The following VASH1 variants were observed in gnomAD, a reference collection of about 807,000 sequenced individuals.
VASH1 encodes tubulinyl-Tyr carboxypeptidase 1.
Under a neutral mutation model 35.0 loss-of-function variants are expected in VASH1, and 16 were observed. That is an observed-to-expected ratio of 0.46 (90% CI 0.31 to 0.70). The LOEUF (loss-of-function observed/expected upper bound fraction) is 0.70, where lower values mean the gene tolerates loss of function less well. Among genes scored for constraint, VASH1 ranks in the 30% least tolerant of loss-of-function variants. The pLI is 0.05. For synonymous variants in VASH1, 214 were observed against 200.9 expected, an observed-to-expected ratio of 1.07 and a Z score of -0.55; for missense variants, 505 against 510.7, an observed-to-expected ratio of 0.99 and a Z score of 0.11.
In VASH1 at chr14:76,778,951, C is replaced by T. The variant is rs549007706; in HGVS notation, c.1031C>T (p.Ser344Leu). 43 of 1,614,196 alleles carry T rather than the reference C, an allele frequency of 2.7e-5. No homozygotes were observed. The South Asian group carries it at 4.0e-4, about 15-fold the overall frequency. Reference sequence around the variant, plus strand: ...CTGCTCTCTTCCTCCCACAGGCCCTCGGGTGACAAGAAGACTTCCGAGCCC... The same window carrying T: ...CTGCTCTCTTCCTCCCACAGGCCCTTGGGTGACAAGAAGACTTCCGAGCCC... ...RRNSRSERRPSGDKKTSEPKA... is the reference protein window; with the variant it reads ...RRNSRSERRPLGDKKTSEPKA... The change falls in exon 7 of 7, where the codon TCG becomes TTG. Residue 344 changes from serine (S) to leucine (L), a missense_variant. By Grantham distance (145) the Ser-to-Leu change is moderately radical (BLOSUM62 -2). Coordinates refer to ENST00000167106, the MANE Select transcript of VASH1 (RefSeq NM_014909.5).
chr14:76,778,167 C>A, intron 6 of VASH1, 96 bp downstream of exon 6: 1 of 950,070 alleles, frequency 1.1e-6, no homozygotes. Context: ...CTCTCCCACC[C>A]TTCTCTCTTT....
intron 5 of VASH1, among the ~76,000 whole-genome samples, chr14:76,777,714 T>C (rs1893982433): frequency 6.6e-6 from 1 of 152,162 alleles, no homozygotes. Context: ...TCTCAGTGAC[T>C]TCCCCCACTT....
chr14:76,763,659 G>A (rs1338142734), intron 1 of VASH1, among the ~76,000 whole-genome samples: 1 of 152,224 alleles, frequency 6.6e-6, no homozygotes, highest in East Asian at 1.9e-4. Context: ...TGGCAGAACT[G>A]AGATTCAATT....
At chr14:76,772,052 C>A (rs1322034686) in intron 3 of VASH1, among the ~76,000 whole-genome samples, 3 of 152,096 alleles carry the variant, frequency 2.0e-5, no homozygotes, top group Non-Finnish European at 4.4e-5. Flanking sequence ...CCAGCCTGGC[C>A]AACATGGTGA....
rs1200177643 is a variant in VASH1, at chr14:76,769,554, G to GA, written c.310-408dup. On this transcript the variant is annotated intron_variant, in intron 1 of 6. Coordinates refer to ENST00000167106, the MANE Select transcript of VASH1 (RefSeq NM_014909.5). ...CACCACCTGAGAAGATGGGACCCCG[G>GA]ATATACCAGCTTTGATCCGGCGCTT... The GA allele has an allele frequency of 2.5e-6, 3 of 1,182,400 alleles. No homozygotes were observed. The Admixed American group carries it at 7.4e-5, about 29-fold the overall frequency. The allele number at this position is 1,182,400 out of a possible 1,614,324, so 73.2% of individuals were successfully genotyped here. A position where few individuals can be genotyped will look rare whatever the true frequency, so the allele number is the denominator to read the frequency against.
chr14:76,769,873 G>T, intron 1 of VASH1, 90 bp from the exon 2 acceptor site: 2 of 1,341,256 alleles, frequency 1.5e-6, no homozygotes, highest in Non-Finnish European at 2.1e-6. Flanking sequence ...CCAGGGTGGG[G>T]CGCCTCTGGG....
At position 76,775,930 on chromosome 14, in the gene VASH1, C is replaced by A; in HGVS notation, c.569C>A (p.Pro190His). The A allele has an allele frequency of 6.2e-7, 1 of 1,603,980 alleles. No individual in the cohort carries two copies. The highest frequency in any genetic ancestry group is 1.1e-5 in the South Asian group (1 of 89,132). Residue 190 changes from proline to histidine, a missense_variant, in exon 5 of 7, where the codon CCC becomes CAC. Coordinates refer to ENST00000167106, the MANE Select transcript of VASH1 (RefSeq NM_014909.5). Reference sequence around the variant, plus strand: ...AGCATGCCCACCCTGGAGCGCTTCCCCATCAGCTTCAAGACCTACTTCTCA... The same window carrying A: ...AGCATGCCCACCCTGGAGCGCTTCCACATCAGCTTCAAGACCTACTTCTCA... ...TNSMPTLERF[P>H]ISFKTYFSGN...
intron 5 of VASH1, among the ~76,000 whole-genome samples, 167 bp downstream of exon 5, chr14:76,776,440 G>A (rs567024250): frequency 6.6e-6 from 1 of 152,302 alleles, no homozygotes; most frequent in South Asian, 2.1e-4. Flanking sequence ...GGGCAGACCA[G>A]GACGGCTGCG....
chr14:76,763,718 A>G (rs1412491350), intron 1 of VASH1, among the ~76,000 whole-genome samples: 1 of 152,198 alleles, frequency 6.6e-6, no homozygotes, highest in African/African-American at 2.4e-5. Flanking sequence ...GGAAGTGTCC[A>G]GGTCCTCTTC....
rs1893506410 is a variant in VASH1, at chr14:76,761,601, C to T, written c.-1221C>T. On this transcript the variant is annotated 5_prime_UTR_variant, in exon 1 of 7. Coordinates refer to ENST00000167106, the MANE Select transcript of VASH1 (RefSeq NM_014909.5). The stretch of plus-strand genomic sequence containing the variant: ...AGCAGCGATCGGCTGGTGGGCTTCT[C>T]GTTGGCGGGCTCCGCGTTGGCGGGC... 1.3e-5 allele frequency among the ~76,000 whole-genome samples: 2 copies of T among 151,968 alleles called. No individual in the cohort carries two copies. Among genetic ancestry groups the T allele is most frequent in the South Asian group, 2.1e-4 (1 of 4,838 alleles).
chr14:76,765,249 C>T (rs1442376094), intron 1 of VASH1, among the ~76,000 whole-genome samples: 1 of 152,172 alleles, frequency 6.6e-6, no homozygotes, highest in Non-Finnish European at 1.5e-5. Flanking sequence ...ATTCTGTCAT[C>T]TTCAGTCCTC....
chr14:76,776,379 GTGCTGGGA>G, intron 5 of VASH1, 106 bp downstream of exon 5: 1 of 1,391,796 alleles, frequency 7.2e-7, no homozygotes, highest in Non-Finnish European at 9.5e-7. Flanking sequence ...GGGGACTGGG[GTGCTGGGA>G]CCTTGCTTAG....
At position 76,779,646 on chromosome 14, in the gene VASH1, C is replaced by T; in HGVS notation, c.*628C>T. ...CAGGAGAGCCTTCAGGCCCTTGAGG[C>T]CCCCATGGGCAGTGCTGTGTGGGCA... On this transcript the variant is annotated 3_prime_UTR_variant, in exon 7 of 7. Transcript: ENST00000167106. 1.6e-6 allele frequency: 1 copy of T among 608,550 alleles called. No individual in the cohort carries two copies. Among genetic ancestry groups the T allele is most frequent in the Non-Finnish European group, 2.9e-6 (1 of 341,472 alleles). The allele number at this position is 608,550 out of a possible 1,614,324, so 37.7% of individuals were successfully genotyped here. A position where few individuals can be genotyped will look rare whatever the true frequency, so the allele number is the denominator to read the frequency against.
At chr14:76,763,701 G>A (rs1893567027) in intron 1 of VASH1, among the ~76,000 whole-genome samples, 1 of 152,186 alleles carries the variant, frequency 6.6e-6, no homozygotes, top group East Asian at 1.9e-4. Flanking sequence ...GGGGGGTGGT[G>A]GTGGAGGGAA....
At chr14:76,776,352 G>A in intron 5 of VASH1, 79 bp downstream of exon 5, 23 of 1,453,744 alleles carry the variant, frequency 1.6e-5, no homozygotes, top group Non-Finnish European at 2.1e-5. Flanking sequence ...GGATTGAGAG[G>A]ACTGGGGAGC....
Position 76,776,195 on chromosome 14 carries a change from G to C in VASH1, c.834G>C (p.Ser278=), listed in dbSNP as rs1457937085. Residue 278 remains serine (S), a synonymous_variant, in exon 5 of 7, where the codon TCG becomes TCC. Transcript: ENST00000167106. The part of the protein sequence containing the change: ...HSVEQIEWKH[S]VLDVERLGRD... The stretch of plus-strand genomic sequence containing the variant: ...TGGAGCAGATCGAGTGGAAGCACTC[G>C]GTGCTGGACGTGGAGCGCCTGGGCC... 2.5e-6 allele frequency: 4 copies of C among 1,610,378 alleles called. No individual in the cohort carries two copies. The highest frequency in any genetic ancestry group is 3.4e-6 in the Non-Finnish European group (4 of 1,179,708).
rs375099677 is a variant in VASH1 at position 76,762,660 on chromosome 14, ATTTT to A, written c.-157_-154del. 1.7e-6 allele frequency: 1 copy of A among 573,140 alleles called. No homozygotes were observed. The highest frequency in any genetic ancestry group is 2.8e-6 in the Non-Finnish European group (1 of 362,004). 35.5% of individuals were successfully genotyped at this position (573,140 alleles called of 1,614,324 possible). On this transcript the variant is annotated 5_prime_UTR_variant, in exon 1 of 7. Coordinates refer to ENST00000167106, the MANE Select transcript of VASH1 (RefSeq NM_014909.5). ...GACCCTAATTCACCTTATTGCACTG[ATTTT>A]TTTTATCAAGTCGTATTTTATTGTA...
At chr14:76,765,104 G>A (rs1044220063) in intron 1 of VASH1, among the ~76,000 whole-genome samples, 2 of 152,010 alleles carry the variant, frequency 1.3e-5, no homozygotes, top group South Asian at 2.1e-4. Context: ...TGAACAAGTC[G>A]GGCAGCTCTC....
rs1894148309 is a variant in VASH1, at chr14:76,782,794, A to G, written c.*3776A>G. 1 of 152,786 alleles carries G rather than the reference A, an allele frequency of 6.5e-6. No individual in the cohort carries two copies. The highest frequency in any genetic ancestry group is 1.5e-5 in the Non-Finnish European group (1 of 68,126). 9.5% of individuals were successfully genotyped at this position (152,786 alleles called of 1,614,324 possible). A position where few individuals can be genotyped will look rare whatever the true frequency, so the allele number is the denominator to read the frequency against. ...CATCAAATCTGACAAGAGAGAAGAA[A>G]CATGGGTGTGCTTGGCCCACAGGGC... is the stretch of plus-strand genomic sequence containing the variant. On this transcript the variant is annotated 3_prime_UTR_variant, in exon 7 of 7. Transcript: ENST00000167106.
Sources: allele counts gnomAD v4.1 joint callset (sites outside exome capture counted in the v4.1 genomes callset), GRCh38; gene constraint gnomAD v4.1.1; transcripts MANE v1.5; gene names NCBI Gene and HGNC (gene_info 2026-07-23, HGNC 2026-07-21).